MAPK10: variants seen among roughly 807,000 people sequenced by gnomAD.
MAPK10 encodes the protein mitogen-activated protein kinase 10.
A neutral mutation model predicts 59.3 loss-of-function variants in MAPK10; 25 were observed. The ratio of observed to expected loss-of-function variants is 0.42; its 90% CI spans 0.31 to 0.59. The LOEUF (loss-of-function observed/expected upper bound fraction) is 0.59, where lower values mean the gene tolerates loss of function less well. Ranked by LOEUF, MAPK10 falls within the 20% of genes least tolerant of loss-of-function variation. The pLI is 0.15. For synonymous variants in MAPK10, 190 were observed against 200.5 expected (o/e 0.95, Z 0.44); for missense variants, 351 against 568.9 (o/e 0.62, Z 3.90).
At chr4:86,371,754 T>C (rs1738793509) in intron 1 of MAPK10, among the ~76,000 whole-genome samples, 1 of 152,154 alleles carries the variant, frequency 6.6e-6, no homozygotes. Flanking sequence ...GGGTGGGGCA[T>C]CGCCTCACTT....
chr4:86,036,180 A>G (rs1241919206), intron 11 of MAPK10, among the ~76,000 whole-genome samples: 1 of 152,210 alleles, frequency 6.6e-6, no homozygotes, highest in East Asian at 1.9e-4. Context: ...CCAGAAAGGC[A>G]TGATAGAAAG....
At chr4:86,376,271 A>C (rs191448709) in intron 1 of MAPK10, among the ~76,000 whole-genome samples, 3 of 152,352 alleles carry the variant, frequency 2.0e-5, no homozygotes, top group African/African-American at 7.2e-5. Flanking sequence ...AATATCAAAA[A>C]CAAAACATAG....
chr4:86,483,161 T>C (rs1380301196), intron 1 of MAPK10, among the ~76,000 whole-genome samples: 5 of 152,210 alleles, frequency 3.3e-5, no homozygotes, highest in African/African-American at 9.6e-5. Flanking sequence ...TGTCGTCACA[T>C]TGGTAAACCG....
At chr4:86,309,787 AGTGCCCGGCAT>A (rs2095634471) in intron 2 of MAPK10, among the ~76,000 whole-genome samples, 2 of 152,188 alleles carry the variant, frequency 1.3e-5, no homozygotes. Context: ...AAGTTAAAGC[AGTGCCCGGCAT>A]GTAGCAAGTG....
chr4:86,107,068 A>G, intron 5 of MAPK10, 155 bp downstream of exon 5: 1 of 554,014 alleles, frequency 1.8e-6, no homozygotes, highest in Non-Finnish European at 3.2e-6. Context: ...CCATGAGGAC[A>G]ATGAAATCGA....
At position 86,444,273 on chromosome 4, in the gene MAPK10, C is replaced by T. The variant is rs145295667; in HGVS notation, c.-122+8757G>A. Among the ~76,000 whole-genome samples, 505 of 152,070 alleles carry T rather than the reference C, an allele frequency of 3.3e-3. 1 individual carries two copies. The highest frequency in any genetic ancestry group is 0.012 in the African/African-American group (482 of 41,512). On this transcript the variant is annotated intron_variant, in intron 1 of 13. Coordinates refer to the MAPK10 transcript ENST00000361569. ...ATAAATGCCCCAAAACTACAAAAATCGTATTCAAATGGCAGAAAATCAAAG... is the reference window on the plus strand; with the variant it reads ...ATAAATGCCCCAAAACTACAAAAATTGTATTCAAATGGCAGAAAATCAAAG...
chr4:86,017,177 T>C lies in MAPK10; in HGVS notation c.*51A>G. 1 of 1,591,790 alleles carries C rather than the reference T, an allele frequency of 6.3e-7. No individual in the cohort carries two copies. Among genetic ancestry groups the C allele is most frequent in the Non-Finnish European group, 8.6e-7 (1 of 1,166,436 alleles). On this transcript the variant is annotated 3_prime_UTR_variant, in exon 14 of 14. Coordinates refer to ENST00000641462, the MANE Select transcript of MAPK10 (RefSeq NM_138982.4). This position sits in a 1 kb window ranked among gnomAD's most constrained non-coding sequence, Gnocchi z 4.4. ...TGTGTGTGTCTGCGTGTGTGTGTGT[T>C]CCATCACATCATCTCCTGAAGAACG...
intron 1 of MAPK10, among the ~76,000 whole-genome samples, chr4:86,404,159 A>G (rs949334065): frequency 6.6e-6 from 1 of 152,120 alleles, no homozygotes; most frequent in Non-Finnish European, 1.5e-5. Context: ...ATTCCTAGTC[A>G]AGTTTTAGGA....
At chr4:86,428,140 CT>C (rs201894847) in intron 1 of MAPK10, among the ~76,000 whole-genome samples, 2,374 of 142,486 alleles carry the variant, frequency 0.017, 35 homozygotes, top group African/African-American at 0.046. Flanking sequence ...TTCAAAGTTA[CT>C]TTTTTTTTTT....
chr4:86,593,739 T>C (rs1763293535), intron 1 of MAPK10: 1 of 152,144 alleles, frequency 6.6e-6, no homozygotes, highest in African/African-American at 2.4e-5. Context: ...TCACCGGGCT[T>C]TTTTCGTTGA....
chr4:86,275,944 TACA>T (rs2094563827), intron 2 of MAPK10, among the ~76,000 whole-genome samples: 1 of 152,116 alleles, frequency 6.6e-6, no homozygotes, highest in South Asian at 2.1e-4. Flanking sequence ...TATAAGGCTG[TACA>T]TGAATAGCAG....
chr4:86,424,340 C>T lies in MAPK10; in HGVS notation c.-122+28690G>A, dbSNP rs138651757. ...AAGTAGCTGGGATTACAGGCACCTGCCACCACGCTCAGATAATTTTTGTAT... is the reference window on the plus strand; with the variant it reads ...AAGTAGCTGGGATTACAGGCACCTGTCACCACGCTCAGATAATTTTTGTAT... On this transcript the variant is annotated intron_variant, in intron 1 of 13. Transcript: ENST00000361569. 1.6e-3 allele frequency among the ~76,000 whole-genome samples: 241 copies of T among 152,256 alleles called. 4 individuals are homozygous for T. The highest frequency in any genetic ancestry group is 5.5e-3 in the African/African-American group (229 of 41,536).
At chr4:86,042,767 C>CA (rs992956357) in intron 11 of MAPK10, among the ~76,000 whole-genome samples, 1 of 149,548 alleles carries the variant, frequency 6.7e-6, no homozygotes, top group African/African-American at 2.5e-5. Context: ...AAAAAAAAGA[C>CA]AAAAAAAGAG....
At chr4:86,255,663 G>A (rs939076059) in intron 2 of MAPK10, among the ~76,000 whole-genome samples, 1 of 151,132 alleles carries the variant, frequency 6.6e-6, no homozygotes, top group African/African-American at 2.4e-5. Flanking sequence ...TTTTTCAATT[G>A]CTAAATTCTA....
At chr4:86,082,990 C>A (rs145372618) in intron 9 of MAPK10, among the ~76,000 whole-genome samples, 5 of 152,228 alleles carry the variant, frequency 3.3e-5, no homozygotes, top group African/African-American at 1.2e-4. Flanking sequence ...CCAGAGTCTG[C>A]GGGACAGACT....
intron 1 of MAPK10, among the ~76,000 whole-genome samples, chr4:86,400,504 T>C (rs955596626): frequency 2.0e-5 from 3 of 152,092 alleles, no homozygotes; most frequent in African/African-American, 4.8e-5. Flanking sequence ...GAATGGTAAG[T>C]TACCAGAAAG....
intron 2 of MAPK10, among the ~76,000 whole-genome samples, chr4:86,243,566 T>TA (rs2092886310): frequency 6.6e-6 from 1 of 152,140 alleles, no homozygotes; most frequent in South Asian, 2.1e-4. Context: ...CAGCCTCTGA[T>TA]AAAAGCATGC....
chr4:86,034,625 C>T (rs141758535), intron 11 of MAPK10, among the ~76,000 whole-genome samples: 3 of 152,106 alleles, frequency 2.0e-5, no homozygotes, highest in African/African-American at 7.2e-5. Flanking sequence ...GACTGCTGAC[C>T]ACAAGGAGTT....
chr4:86,030,585 A>C (rs968093735), intron 12 of MAPK10, among the ~76,000 whole-genome samples: 1 of 152,102 alleles, frequency 6.6e-6, no homozygotes, highest in Non-Finnish European at 1.5e-5. Flanking sequence ...CCCCAGCCTC[A>C]GCCTCCCAAA....
Sources: gnomAD v4.1 joint callset for allele counts (sites outside exome capture counted in the v4.1 genomes callset) on GRCh38, gnomAD v4.1.1 for gene constraint, Gnocchi (gnomAD v3.1) non-coding constraint, MANE v1.5 for transcripts, NCBI Gene and HGNC (gene_info 2026-07-23, HGNC 2026-07-21) for gene names.